SHISA8: variants seen among roughly 807,000 people sequenced by gnomAD.
SHISA8 encodes the protein shisa family member 8.
In SHISA8, 21 loss-of-function variants were observed where a neutral mutation model predicts 21.1. The observed-to-expected ratio is 0.99, with a 90% CI of 0.71 to 1.43. SHISA8 has a LOEUF of 1.43. Ranked by LOEUF, SHISA8 falls within the 40% of genes most tolerant of loss-of-function variation. The probability of loss-of-function intolerance (pLI) is 0.00; values close to 1 mark genes in which losing one functional copy is unlikely to be tolerated. For missense variants in SHISA8, 535 were observed against 599.1 expected (o/e 0.89, Z 1.12); for synonymous variants, 300 against 291.4 (o/e 1.03, Z -0.30).
At chr22:41,912,114 G>A (rs1056303715) in intron 1 of SHISA8, among the ~76,000 whole-genome samples, 1 of 152,214 alleles carries the variant, frequency 6.6e-6, no homozygotes, top group Non-Finnish European at 1.5e-5. Flanking sequence ...GCCATCACGG[G>A]CATGAAGGAC....
chr22:41,911,349 C>T lies in SHISA8; in HGVS notation c.531G>A (p.Arg177=), dbSNP rs2077552540. The change falls in exon 2 of 4, where the codon AGG becomes AGA. Residue 177 remains arginine, a splice_region_variant and synonymous_variant. Coordinates refer to ENST00000621082, the MANE Select transcript of SHISA8 (RefSeq NM_001207020.3). ...HSPRARRTVT[R]ALTELLKQPG... is the part of the protein sequence containing the mutation. ...GCTGCTTCAGAAGCTCTGTCAGCGC[C>T]CTGCGGGGACAGCAGTCAGGGGTGG... 8.1e-7 allele frequency: 1 copy of T among 1,240,350 alleles called. No homozygotes were observed. The highest frequency in any genetic ancestry group is 1.6e-5 in the African/African-American group (1 of 64,482). The allele number at this position is 1,240,350 out of a possible 1,614,324, so 76.8% of individuals were successfully genotyped here.
Position 41,911,109 on chromosome 22 carries a change from A to T in SHISA8, c.664+107T>A, listed in dbSNP as rs867950775. The stretch of plus-strand genomic sequence containing the variant: ...CCCTCACCCGCAGAGGCCGCGGCTC[A>T]TTTCCACCGGGGAAGCCTCTATGCC... On this transcript the variant is annotated intron_variant, in intron 2 of 3. Coordinates refer to ENST00000621082, the MANE Select transcript of SHISA8 (RefSeq NM_001207020.3). 1,184 of 1,218,902 alleles carry T rather than the reference A, an allele frequency of 9.7e-4. 5 individuals carry two copies. The Middle Eastern group carries it at 0.017, about 18-fold the overall frequency. The allele number at this position is 1,218,902 out of a possible 1,614,324, so 75.5% of individuals were successfully genotyped here.
In SHISA8 at chr22:41,909,863, G is replaced by T. The variant is rs778605670; in HGVS notation, c.1096C>A (p.Pro366Thr). The change falls in exon 4 of 4, where the codon CCT becomes ACT. Residue 366 changes from proline (P) to threonine (T), a missense_variant. Transcript: ENST00000621082. ...AARRQFSVKM[P>T]ETFNPQLPGL... ...GGGAGCTGCGGGTTGAAGGTCTCAG[G>T]CATCTTCACACTGAACTGGCGCCGG... 1.2e-5 allele frequency: 19 copies of T among 1,530,696 alleles called. No individual in the cohort carries two copies. In the South Asian group the frequency reaches 2.3e-4, roughly 18 times the overall value. The allele number at this position is 1,530,696 out of a possible 1,614,324, so 94.8% of individuals were successfully genotyped here.
intron 1 of SHISA8, among the ~76,000 whole-genome samples, chr22:41,912,536 G>A (rs1366354135): frequency 6.6e-6 from 1 of 152,146 alleles, no homozygotes; most frequent in African/African-American, 2.4e-5. Context: ...CCTGACAGCT[G>A]AGTAACCACC....
In SHISA8 at chr22:41,910,535, G is replaced by A. The variant is rs1427065896; in HGVS notation, c.684C>T (p.Asn228=). The A allele has an allele frequency of 6.4e-6, 8 of 1,241,050 alleles. No individual in the cohort carries two copies. The highest frequency in any genetic ancestry group is 4.3e-5 in the Admixed American group (1 of 23,388). 76.9% of individuals were successfully genotyped at this position (1,241,050 alleles called of 1,614,324 possible). ...HNSADKKRLN[N]APRGSAAPGP... ...CCGGGGCGGCCGACCCCCGGGGCGC[G>A]TTGTTGAGGCGCTTCTTGTCTGGAG... The change falls in exon 3 of 4, where the codon AAC becomes AAT. Residue 228 remains asparagine (N), a synonymous_variant. Coordinates refer to ENST00000621082, the MANE Select transcript of SHISA8 (RefSeq NM_001207020.3). This position sits in a 1 kb window ranked among gnomAD's most constrained non-coding sequence, Gnocchi z 6.8.
chr22:41,910,547 C>T lies in SHISA8; in HGVS notation c.672G>A (p.Lys224=), dbSNP rs1206928735. The T allele has an allele frequency of 8.1e-7, 1 of 1,236,486 alleles. No homozygotes were observed. Among genetic ancestry groups the T allele is most frequent in the Non-Finnish European group, 1.0e-6 (1 of 992,020 alleles). 76.6% of individuals were successfully genotyped at this position (1,236,486 alleles called of 1,614,324 possible). ...RGSPHNSADK[K]RLNNAPRGSA... ...ACCCCCGGGGCGCGTTGTTGAGGCG[C>T]TTCTTGTCTGGAGCGAGGAGTGAGA... The change falls in exon 3 of 4, where the codon AAG becomes AAA. Residue 224 remains lysine (K), a synonymous_variant. Coordinates refer to ENST00000621082, the MANE Select transcript of SHISA8 (RefSeq NM_001207020.3). The surrounding 1 kb of genome is among the most constrained non-coding windows in gnomAD (Gnocchi z 6.8).
rs893882926 is a variant in SHISA8, at chr22:41,913,840, T to C, written c.530+298A>G. On this transcript the variant is annotated intron_variant, in intron 1 of 3. Coordinates refer to ENST00000621082, the MANE Select transcript of SHISA8 (RefSeq NM_001207020.3). Reference sequence around the variant, plus strand: ...CCCTGGACAGTGACCCGGTGCCCTCTGTGCAAGGCTACCTGTCCCCCTCCC... The same window carrying C: ...CCCTGGACAGTGACCCGGTGCCCTCCGTGCAAGGCTACCTGTCCCCCTCCC... Among the ~76,000 whole-genome samples, 4 of 152,162 alleles carry C rather than the reference T, an allele frequency of 2.6e-5. No homozygotes were observed. In the East Asian group the frequency reaches 7.7e-4, roughly 29 times the overall value.
chr22:41,909,944 G>A lies in SHISA8; in HGVS notation c.1015C>T (p.Leu339Phe). The A allele has an allele frequency of 6.6e-7, 1 of 1,514,658 alleles. No homozygotes were observed. Among genetic ancestry groups the A allele is most frequent in the Non-Finnish European group, 8.8e-7 (1 of 1,137,698 alleles). 93.8% of individuals were successfully genotyped at this position (1,514,658 alleles called of 1,614,324 possible). A position where few individuals can be genotyped will look rare whatever the true frequency, so the allele number is the denominator to read the frequency against. ...AAGGCCCGAGCCGTCGGGTGGCTGA[G>A]CGGGGCGGGCCGGGCCGGGCGACTG... ...TSSRPARPAP[L>F]SHPTARAFQV... Residue 339 changes from leucine to phenylalanine, a missense_variant, in exon 4 of 4, where the codon CTC becomes TTC. Physicochemically the swap from Leu to Phe is conservative, Grantham distance 22 (BLOSUM62 0). Coordinates refer to ENST00000621082, the MANE Select transcript of SHISA8 (RefSeq NM_001207020.3).
chr22:41,914,171 G>A lies in SHISA8; in HGVS notation c.497C>T (p.Ala166Val), dbSNP rs944456781. 24 of 1,459,608 alleles carry A rather than the reference G, an allele frequency of 1.6e-5. No homozygotes were observed. The Admixed American group carries it at 2.3e-4, about 14-fold the overall frequency. 90.4% of individuals were successfully genotyped at this position (1,459,608 alleles called of 1,614,324 possible). Reference protein sequence around the residue: ...GIGARLGLERAHSPRARRTVT... With the variant: ...GIGARLGLERVHSPRARRTVT... ...TGTGCGCCGCGCGCGCGGGCTGTGC[G>A]CCCTCTCCAGTCCCAGGCGCGCCCC... Residue 166 changes from alanine (A) to valine (V), a missense_variant, in exon 1 of 4, where the codon GCG becomes GTG. Ala to Val is a moderately conservative substitution (Grantham distance 64). Transcript: ENST00000621082. This position sits in a 1 kb window ranked among gnomAD's most constrained non-coding sequence, Gnocchi z 6.8.
chr22:41,914,492 C>T lies in SHISA8; in HGVS notation c.176G>A (p.Arg59His). 6.2e-6 allele frequency: 8 copies of T among 1,287,032 alleles called. No homozygotes were observed. Among genetic ancestry groups the T allele is most frequent in the Non-Finnish European group, 6.9e-6 (7 of 1,014,640 alleles). 79.7% of individuals were successfully genotyped at this position (1,287,032 alleles called of 1,614,324 possible). A position where few individuals can be genotyped will look rare whatever the true frequency, so the allele number is the denominator to read the frequency against. Residue 59 changes from arginine to histidine, a missense_variant, in exon 1 of 4, where the codon CGC (arginine) becomes CAC (histidine). Transcript: ENST00000621082. This position sits in a 1 kb window ranked among gnomAD's most constrained non-coding sequence, Gnocchi z 6.8. ...PGTTAPEGGD[R>H]CRGYYDVMGQ... The stretch of plus-strand genomic sequence containing the variant: ...CATCACGTCGTAGTAGCCGCGGCAG[C>T]GGTCGCCCCCCTCCGGGGCTGTCGT...
chr22:41,910,445 CT>C lies in SHISA8; in HGVS notation c.773del (p.Lys258SerfsTer106). The C allele has an allele frequency of 7.4e-7, 1 of 1,354,494 alleles. No homozygotes were observed. The highest frequency in any genetic ancestry group is 9.5e-7 in the Non-Finnish European group (1 of 1,054,300). 83.9% of individuals were successfully genotyped at this position (1,354,494 alleles called of 1,614,324 possible). ...GSLTLQPDYA[K>X]YATFKAAALK... is the part of the protein sequence containing the mutation. ...GCGCGGCGGCCTTGAACGTGGCGTA[CT>C]TGGCGTAGTCTGGCTGCAGCGTCAG... On this transcript the variant is annotated frameshift_variant, in exon 3 of 4. Transcript: ENST00000621082. LOFTEE classifies it low-confidence loss of function (END_TRUNC). This position sits in a 1 kb window ranked among gnomAD's most constrained non-coding sequence, Gnocchi z 6.8.
chr22:41,912,767 G>A (rs1488618954), intron 1 of SHISA8, among the ~76,000 whole-genome samples: 1 of 152,190 alleles, frequency 6.6e-6, no homozygotes, highest in Non-Finnish European at 1.5e-5. Context: ...CCAGAAAGGA[G>A]AAGGGACTGG....
At position 41,914,325 on chromosome 22, in the gene SHISA8, C is replaced by G. The variant is rs1029784607; in HGVS notation, c.343G>C (p.Val115Leu). The change falls in exon 1 of 4, where the codon GTC becomes CTC. Residue 115 changes from valine (V) to leucine (L), a missense_variant. Physicochemically the swap from Val to Leu is conservative, Grantham distance 32 (BLOSUM62 1). Coordinates refer to ENST00000621082, the MANE Select transcript of SHISA8 (RefSeq NM_001207020.3). The surrounding 1 kb of genome is among the most constrained non-coding windows in gnomAD (Gnocchi z 6.8). ...CGGGCGGGCGGCCGGCCTGTCTGGA[C>G]CCAGGCCGGCGTGTCGTAGTTGGAA... ...RCSNYDTPAW[V>L]QTGRPPARAR... is the part of the protein sequence containing the mutation. 3.4e-5 allele frequency: 42 copies of G among 1,245,654 alleles called. No homozygotes were observed. The highest frequency in any genetic ancestry group is 4.2e-5 in the Non-Finnish European group (42 of 996,412). The allele number at this position is 1,245,654 out of a possible 1,614,324, so 77.2% of individuals were successfully genotyped here. A position where few individuals can be genotyped will look rare whatever the true frequency, so the allele number is the denominator to read the frequency against.
At chr22:41,911,079 C>T in intron 2 of SHISA8, 137 bp downstream of exon 2, 1 of 1,140,784 alleles carries the variant, frequency 8.8e-7, no homozygotes, top group East Asian at 3.2e-5. Flanking sequence ...GCTGGCCGGT[C>T]GGGCCCCTCA....
Position 41,910,192 on chromosome 22 carries a change from A to C in SHISA8, c.812-45T>G. The C allele has an allele frequency of 8.1e-7, 1 of 1,227,254 alleles. No homozygotes were observed. Among genetic ancestry groups the C allele is most frequent in the Non-Finnish European group, 1.0e-6 (1 of 986,522 alleles). 76.0% of individuals were successfully genotyped at this position (1,227,254 alleles called of 1,614,324 possible). On this transcript the variant is annotated intron_variant, in intron 3 of 3. Transcript: ENST00000621082. The surrounding 1 kb of genome is among the most constrained non-coding windows in gnomAD (Gnocchi z 6.8). ...AAGAGTGACGCCGCGCCGAGCACCCAAGCTCAGGACTGGACAAGGGGTCCC... is the reference window on the plus strand; with the variant it reads ...AAGAGTGACGCCGCGCCGAGCACCCCAGCTCAGGACTGGACAAGGGGTCCC...
chr22:41,914,476 G>A lies in SHISA8; in HGVS notation c.192C>T (p.Tyr64=), dbSNP rs1315613370. Residue 64 remains tyrosine (Y), a synonymous_variant, in exon 1 of 4, where the codon TAC becomes TAT. Transcript: ENST00000621082. The surrounding 1 kb of genome is among the most constrained non-coding windows in gnomAD (Gnocchi z 6.8). The stretch of plus-strand genomic sequence containing the variant: ...GCGGGTCCCACTGGCCCATCACGTC[G>A]TAGTAGCCGCGGCAGCGGTCGCCCC... The part of the protein sequence containing the change: ...PEGGDRCRGY[Y]DVMGQWDPPF... The A allele has an allele frequency of 7.6e-7, 1 of 1,316,748 alleles. No homozygotes were observed. The highest frequency in any genetic ancestry group is 3.2e-5 in the East Asian group (1 of 31,660). The allele number at this position is 1,316,748 out of a possible 1,614,324, so 81.6% of individuals were successfully genotyped here.
At position 41,910,243 on chromosome 22, in the gene SHISA8, G is replaced by A; in HGVS notation, c.812-96C>T. ...GGCCGGGGACTGGGACGGGGACCGGGCCGGGGCGGGCCGGGGGCGGGGCCC... is the reference window on the plus strand; with the variant it reads ...GGCCGGGGACTGGGACGGGGACCGGACCGGGGCGGGCCGGGGGCGGGGCCC... On this transcript the variant is annotated intron_variant, in intron 3 of 3. Coordinates refer to ENST00000621082, the MANE Select transcript of SHISA8 (RefSeq NM_001207020.3). The surrounding 1 kb of genome is among the most constrained non-coding windows in gnomAD (Gnocchi z 6.8). The A allele has an allele frequency of 8.2e-7, 1 of 1,222,188 alleles. No homozygotes were observed. The highest frequency in any genetic ancestry group is 1.0e-6 in the Non-Finnish European group (1 of 980,084). 75.7% of individuals were successfully genotyped at this position (1,222,188 alleles called of 1,614,324 possible).
intron 2 of SHISA8, 24 bp downstream of exon 2, chr22:41,911,192 C>G: frequency 1.6e-6 from 2 of 1,263,710 alleles, no homozygotes; most frequent in Admixed American, 4.1e-5. Flanking sequence ...CGCCGCCGCT[C>G]AGCCCCGCCC....
Position 41,910,241 on chromosome 22 carries a change from G to C in SHISA8, c.812-94C>G, listed in dbSNP as rs1466498232. 3.3e-6 allele frequency: 4 copies of C among 1,221,686 alleles called. No homozygotes were observed. Among genetic ancestry groups the C allele is most frequent in the African/African-American group, 3.2e-5 (2 of 63,390 alleles). 75.7% of individuals were successfully genotyped at this position (1,221,686 alleles called of 1,614,324 possible). A position where few individuals can be genotyped will look rare whatever the true frequency, so the allele number is the denominator to read the frequency against. On this transcript the variant is annotated intron_variant, in intron 3 of 3. Transcript: ENST00000621082. This position sits in a 1 kb window ranked among gnomAD's most constrained non-coding sequence, Gnocchi z 6.8. ...CCGGCCGGGGACTGGGACGGGGACC[G>C]GGCCGGGGCGGGCCGGGGGCGGGGC...
Sources: allele counts gnomAD v4.1 joint callset (sites outside exome capture counted in the v4.1 genomes callset), GRCh38; gene constraint gnomAD v4.1.1; non-coding constraint Gnocchi (gnomAD v3.1); transcripts MANE v1.5; gene names NCBI Gene and HGNC (gene_info 2026-07-23, HGNC 2026-07-21).